Variants in ZNF583 observed in about 807,000 individuals in gnomAD.
The protein encoded by ZNF583 is zinc finger protein 583.
ZNF583 carries 30 observed loss-of-function variants against 55.3 expected under a neutral mutation model. That is an observed-to-expected ratio of 0.54 (90% CI 0.41 to 0.74). The LOEUF is 0.74. ZNF583 is among the 30% of genes least tolerant of loss of function. The pLI, the probability that ZNF583 is intolerant of heterozygous loss-of-function variation, is 0.00. For synonymous variants in ZNF583, 208 were observed against 220.0 expected, an observed-to-expected ratio of 0.95 and a Z score of 0.48; for missense variants, 504 against 664.7, an observed-to-expected ratio of 0.76 and a Z score of 2.66.
chr19:56,408,677 C>T (rs1032573607), intron 2 of ZNF583, among the ~76,000 whole-genome samples: 2 of 152,002 alleles, frequency 1.3e-5, no homozygotes, highest in East Asian at 1.9e-4. Context: ...TCAGTAATGT[C>T]GATGATGATG....
At chr19:56,411,379 G>A (rs117444354) in intron 2 of ZNF583, among the ~76,000 whole-genome samples, 2,917 of 152,172 alleles carry the variant, frequency 0.019, 59 homozygotes, top group Middle Eastern at 0.054. Context: ...TTTAATGATG[G>A]CAATATTTTA....
chr19:56,417,359 T>C (rs1019820244), intron 4 of ZNF583, among the ~76,000 whole-genome samples: 1 of 152,234 alleles, frequency 6.6e-6, no homozygotes, highest in African/African-American at 2.4e-5. Context: ...TCGTCAGTAG[T>C]ATTTTTAATT....
chr19:56,423,213 G>A lies in ZNF583; in HGVS notation c.555G>A (p.Lys185=), dbSNP rs148178582. Reference sequence around the variant, plus strand: ...TTCCCACCAAAGAAAAAGCACATAAGCATGAACCACAAAAGAAAAGTTACC... The same window carrying A: ...TTCCCACCAAAGAAAAAGCACATAAACATGAACCACAAAAGAAAAGTTACC... ...QSFPTKEKAH[K]HEPQKKSYRK... is the part of the protein sequence containing the mutation. The change falls in exon 5 of 5, where the codon AAG becomes AAA. Residue 185 remains lysine (K), a synonymous_variant. Coordinates refer to ENST00000333201, the MANE Select transcript of ZNF583 (RefSeq NM_152478.3). 25 of 1,612,784 alleles carry A rather than the reference G, an allele frequency of 1.6e-5. No individual in the cohort carries two copies. The African/African-American group carries it at 3.2e-4, about 21-fold the overall frequency.
intron 2 of ZNF583, among the ~76,000 whole-genome samples, chr19:56,409,971 C>T (rs1568803610): frequency 6.6e-6 from 1 of 151,926 alleles, no homozygotes; most frequent in Non-Finnish European, 1.5e-5. Context: ...TCATCCATTA[C>T]TCATATGTAG....
Position 56,423,022 on chromosome 19 carries a change from T to G in ZNF583, c.364T>G (p.Cys122Gly). 6.2e-7 allele frequency: 1 copy of G among 1,614,000 alleles called. No homozygotes were observed. Among genetic ancestry groups the G allele is most frequent in the Admixed American group, 1.7e-5 (1 of 60,010 alleles). ...TGACTATCCCAGTTTGAGAGAAGAC[T>G]GTCAAAGTGAGGACTGGTATAAGAA... is the stretch of plus-strand genomic sequence containing the variant. ...SLDYPSLRED[C>G]QSEDWYKNQL... Residue 122 changes from cysteine to glycine, a missense_variant, in exon 5 of 5, where the codon TGT (cysteine) becomes GGT (glycine). Physicochemically the swap from Cys to Gly is radical, Grantham distance 159 (BLOSUM62 -3). This residue lies in a region of ZNF583 where 204 missense variants were observed against 235.2 expected (regional missense o/e 0.87). Coordinates refer to ENST00000333201, the MANE Select transcript of ZNF583 (RefSeq NM_152478.3).
chr19:56,406,528 T>C (rs891485772), intron 1 of ZNF583, among the ~76,000 whole-genome samples: 2 of 126,070 alleles, frequency 1.6e-5, no homozygotes, highest in Non-Finnish European at 3.3e-5. Flanking sequence ...GTATGTTGTA[T>C]TCTTTTTTTT....
chr19:56,424,471 G>A lies in ZNF583; in HGVS notation c.*103G>A. The stretch of plus-strand genomic sequence containing the variant: ...GGATACTCGAGTAGCTTTCTAATTG[G>A]TCTCCTTGTACTCACCATTGTCTCT... On this transcript the variant is annotated 3_prime_UTR_variant, in exon 5 of 5. Coordinates refer to ENST00000333201, the MANE Select transcript of ZNF583 (RefSeq NM_152478.3). 1 of 624,246 alleles carries A rather than the reference G, an allele frequency of 1.6e-6. No homozygotes were observed. Among genetic ancestry groups the A allele is most frequent in the Non-Finnish European group, 2.8e-6 (1 of 352,490 alleles). The allele number at this position is 624,246 out of a possible 1,614,324, so 38.7% of individuals were successfully genotyped here. A position where few individuals can be genotyped will look rare whatever the true frequency, so the allele number is the denominator to read the frequency against.
Position 56,414,398 on chromosome 19 carries a change from C to A in ZNF583, c.190C>A (p.Pro64Thr). The A allele has an allele frequency of 6.2e-7, 1 of 1,614,026 alleles. No individual in the cohort carries two copies. Among genetic ancestry groups the A allele is most frequent in the Non-Finnish European group, 8.5e-7 (1 of 1,180,004 alleles). Residue 64 changes from proline (P) to threonine (T), a missense_variant, in exon 4 of 5, where the codon CCC becomes ACC. Transcript: ENST00000333201. ...CTCATTATTGGAGCAAGGAAAAGAG[C>A]CCTGGATGGTGAAGAAGGAGGGAAC... ...VISLLEQGKEPWMVKKEGTRG... is the reference protein window; with the variant it reads ...VISLLEQGKETWMVKKEGTRG...
At position 56,427,197 on chromosome 19, in the gene ZNF583, A is replaced by T. The variant is rs139571100; in HGVS notation, c.*2829A>T. On this transcript the variant is annotated 3_prime_UTR_variant, in exon 5 of 5. Coordinates refer to ENST00000333201, the MANE Select transcript of ZNF583 (RefSeq NM_152478.3). The stretch of plus-strand genomic sequence containing the variant: ...AGCCTTTGTATGTGAAAGTTATGTC[A>T]GTAGCCCTTGCCAAAAGCCTCCTCA... 1 of 152,286 alleles carries T rather than the reference A, an allele frequency of 6.6e-6. No individual in the cohort carries two copies. The highest frequency in any genetic ancestry group is 1.5e-5 in the Non-Finnish European group (1 of 68,008). 9.4% of individuals were successfully genotyped at this position (152,286 alleles called of 1,614,324 possible). A position where few individuals can be genotyped will look rare whatever the true frequency, so the allele number is the denominator to read the frequency against.
At chr19:56,406,407 G>A (rs963571242) in intron 1 of ZNF583, among the ~76,000 whole-genome samples, 1 of 152,110 alleles carries the variant, frequency 6.6e-6, no homozygotes, top group Non-Finnish European at 1.5e-5. Flanking sequence ...TTACTCCGAT[G>A]AAGAGCCTTC....
In ZNF583 at chr19:56,423,878, C is replaced by T; in HGVS notation, c.1220C>T (p.Pro407Leu). 1 of 1,613,986 alleles carries T rather than the reference C, an allele frequency of 6.2e-7. No homozygotes were observed. The highest frequency in any genetic ancestry group is 8.5e-7 in the Non-Finnish European group (1 of 1,179,966). ...QHQRVHTGEK[P>L]YECKVCRKAF... is the part of the protein sequence containing the mutation. Reference sequence around the variant, plus strand: ...CAGAGAGTTCATACTGGAGAAAAACCTTATGAATGTAAAGTATGTAGGAAA... The same window carrying T: ...CAGAGAGTTCATACTGGAGAAAAACTTTATGAATGTAAAGTATGTAGGAAA... The change falls in exon 5 of 5, where the codon CCT becomes CTT. Residue 407 changes from proline to leucine, a missense_variant. Coordinates refer to ENST00000333201, the MANE Select transcript of ZNF583 (RefSeq NM_152478.3).
In ZNF583 at chr19:56,422,927, C is replaced by G. The variant is rs1214116231; in HGVS notation, c.269C>G (p.Ser90Ter). The G allele has an allele frequency of 6.2e-7, 1 of 1,606,572 alleles. No homozygotes were observed. The highest frequency in any genetic ancestry group is 1.7e-5 in the Admixed American group (1 of 58,126). The change falls in exon 5 of 5, where the codon TCA (serine) becomes TGA (stop). Residue 90 changes from serine to a stop codon, truncating the protein, a stop_gained. Coordinates refer to ENST00000333201, the MANE Select transcript of ZNF583 (RefSeq NM_152478.3). LOFTEE classifies it high-confidence loss of function. Reference sequence around the variant, plus strand: ...GTATTTAAAAACAGTGAATTTTCATCAAAGCAAGAGACATATGAAGAATCA... The same window carrying G: ...GTATTTAAAAACAGTGAATTTTCATGAAAGCAAGAGACATATGAAGAATCA... ...EYVFKNSEFS[S>*]KQETYEESSK...
chr19:56,421,373 T>C, intron 4 of ZNF583: 3 of 667,926 alleles, frequency 4.5e-6, no homozygotes, highest in Non-Finnish European at 5.6e-6. Context: ...AGTCATTTCA[T>C]ATTTCTTTTT....
At chr19:56,419,533 G>A (rs1165494621) in intron 4 of ZNF583, among the ~76,000 whole-genome samples, 3 of 152,092 alleles carry the variant, frequency 2.0e-5, no homozygotes, top group Non-Finnish European at 4.4e-5. Flanking sequence ...TCTGGTTTTG[G>A]TATCAAGATA....
At chr19:56,420,130 G>T (rs990381510) in intron 4 of ZNF583, among the ~76,000 whole-genome samples, 2 of 151,996 alleles carry the variant, frequency 1.3e-5, no homozygotes, top group African/African-American at 4.8e-5. Context: ...TTGATATGTT[G>T]TACTGTCATT....
At chr19:56,422,867 C>T (rs368236846) in intron 4 of ZNF583, 24 bp from the exon 5 acceptor site, 6 of 1,517,262 alleles carry the variant, frequency 4.0e-6, no homozygotes, top group Non-Finnish European at 5.3e-6. Context: ...ATACAAAAGT[C>T]ATTTGTTTCT....
In ZNF583 at chr19:56,414,354, T is replaced by C. The variant is rs781030930; in HGVS notation, c.146T>C (p.Val49Ala). Residue 49 changes from valine to alanine, a missense_variant, in exon 4 of 5, where the codon GTT becomes GCT. By Grantham distance (64) the Val-to-Ala change is moderately conservative. Coordinates refer to ENST00000333201, the MANE Select transcript of ZNF583 (RefSeq NM_152478.3). Reference protein sequence around the residue: ...YRSLVSLGVSVSKPDVISLLE... With the variant: ...YRSLVSLGVSASKPDVISLLE... ...TGTTTTTTGTAAGCAGGAGTTTCTG[T>C]TTCTAAGCCAGATGTGATCTCATTA... 5.6e-6 allele frequency: 9 copies of C among 1,614,004 alleles called. No homozygotes were observed. Among genetic ancestry groups the C allele is most frequent in the Non-Finnish European group, 7.6e-6 (9 of 1,180,014 alleles).
In ZNF583 at chr19:56,422,921, T is replaced by C. The variant is rs1309600890; in HGVS notation, c.263T>C (p.Phe88Ser). 6.2e-7 allele frequency: 1 copy of C among 1,607,092 alleles called. No homozygotes were observed. The highest frequency in any genetic ancestry group is 1.3e-5 in the African/African-American group (1 of 74,608). ...DWEYVFKNSE[F>S]SSKQETYEES... ...GAGTATGTATTTAAAAACAGTGAATTTTCATCAAAGCAAGAGACATATGAA... is the reference window on the plus strand; with the variant it reads ...GAGTATGTATTTAAAAACAGTGAATCTTCATCAAAGCAAGAGACATATGAA... The change falls in exon 5 of 5, where the codon TTT becomes TCT. Residue 88 changes from phenylalanine to serine, a missense_variant. Physicochemically the swap from Phe to Ser is radical, Grantham distance 155. Coordinates refer to ENST00000333201, the MANE Select transcript of ZNF583 (RefSeq NM_152478.3).
In ZNF583 at chr19:56,407,143, C is replaced by G. The variant is rs768914511; in HGVS notation, c.9+20C>G. ...TCCAAGGTAAGGAAGCATTTCTTCT[C>G]TCTTCCCTAAAATGCCATCTTATTT... On this transcript the variant is annotated intron_variant, in intron 2 of 4. Coordinates refer to ENST00000333201, the MANE Select transcript of ZNF583 (RefSeq NM_152478.3). 20 of 1,613,744 alleles carry G rather than the reference C, an allele frequency of 1.2e-5. No homozygotes were observed. Among genetic ancestry groups the G allele is most frequent in the Non-Finnish European group, 1.6e-5 (19 of 1,179,882 alleles).
Sources: gnomAD v4.1 joint callset for allele counts (sites outside exome capture counted in the v4.1 genomes callset) on GRCh38, gnomAD v4.1.1 for gene constraint, gnomAD v4.1.1 regional missense constraint, MANE v1.5 for transcripts, NCBI Gene and HGNC (gene_info 2026-07-23, HGNC 2026-07-21) for gene names.